FYCO1: variants seen among roughly 807,000 people sequenced by gnomAD.
The protein encoded by FYCO1 is FYVE and coiled-coil domain autophagy adaptor 1, also known as FYVE and coiled-coil domain-containing protein 1.
Under a neutral mutation model 165.1 loss-of-function variants are expected in FYCO1, and 122 were observed. That is an observed-to-expected ratio of 0.74 (90% CI 0.64 to 0.86). The LOEUF is 0.86. Ranked by LOEUF, FYCO1 falls within the 40% of genes least tolerant of loss-of-function variation. The pLI, the probability that FYCO1 is intolerant of heterozygous loss-of-function variation, is 0.00. For missense variants in FYCO1, 1,702 were observed against 1,810.3 expected, an observed-to-expected ratio of 0.94 and a Z score of 1.09; for synonymous variants, 648 against 742.5, an observed-to-expected ratio of 0.87 and a Z score of 2.07.
In FYCO1 at chr3:45,935,742, C is replaced by T. The variant is rs1213470326; in HGVS notation, c.4040+706G>A. ...TTATTTAATTATGTTTATAGCGTAT[C>T]ATCTGTCAACCCCTGCTGGAATATA... On this transcript the variant is annotated intron_variant, in intron 15 of 17. Transcript: ENST00000296137. 3.3e-5 allele frequency among the ~76,000 whole-genome samples: 5 copies of T among 152,214 alleles called. No individual in the cohort carries two copies. The East Asian group carries it at 9.6e-4, about 29-fold the overall frequency.
intron 2 of FYCO1, among the ~76,000 whole-genome samples, chr3:45,983,841 A>G (rs1388308946): frequency 6.6e-6 from 1 of 152,228 alleles, no homozygotes; most frequent in Non-Finnish European, 1.5e-5. Flanking sequence ...TGCACATGAA[A>G]TGCCATGAAA....
chr3:45,955,519 G>A (rs1484280384), intron 13 of FYCO1, 126 bp from the exon 14 acceptor site: 1 of 1,066,372 alleles, frequency 9.4e-7, no homozygotes, highest in African/African-American at 1.6e-5. Flanking sequence ...CACAATTTAA[G>A]TGGTCACTCA....
chr3:45,991,661 C>G (rs539530977), intron 1 of FYCO1, among the ~76,000 whole-genome samples: 1 of 152,190 alleles, frequency 6.6e-6, no homozygotes, highest in Non-Finnish European at 1.5e-5. Flanking sequence ...AACCACAGTT[C>G]GGTTCCCGAG....
Position 45,918,266 on chromosome 3 carries a change from C to G in FYCO1, c.*3499G>C, listed in dbSNP as rs999260383. The G allele has an allele frequency of 6.6e-6, 1 of 152,380 alleles. No homozygotes were observed. Among genetic ancestry groups the G allele is most frequent in the Non-Finnish European group, 1.5e-5 (1 of 68,018 alleles). The allele number at this position is 152,380 out of a possible 1,614,324, so 9.4% of individuals were successfully genotyped here. A position where few individuals can be genotyped will look rare whatever the true frequency, so the allele number is the denominator to read the frequency against. On this transcript the variant is annotated 3_prime_UTR_variant, in exon 18 of 18. Coordinates refer to ENST00000296137, the MANE Select transcript of FYCO1 (RefSeq NM_024513.4). ...TTTTCTTTTTTTAAATCAGAGATGC[C>G]TCCCCAAATTTCAAGATGTACTTTA...
At chr3:45,922,111 C>T (rs902056687) in intron 17 of FYCO1, among the ~76,000 whole-genome samples, 1 of 152,244 alleles carries the variant, frequency 6.6e-6, no homozygotes, top group African/African-American at 2.4e-5. Flanking sequence ...CACCTGGCTG[C>T]TCTGAAGCAG....
intron 11 of FYCO1, 114 bp from the exon 12 acceptor site, chr3:45,959,656 T>A (rs1705577069): frequency 8.8e-7 from 1 of 1,142,052 alleles, no homozygotes; most frequent in South Asian, 1.3e-5. Context: ...GAAAGAAAAT[T>A]CACTTTCACC....
In FYCO1 at chr3:45,966,989, TGATGGA is replaced by T; in HGVS notation, c.2339_2344del (p.Val780_Gln782delinsGlu). The T allele has an allele frequency of 6.2e-7, 1 of 1,613,196 alleles. No individual in the cohort carries two copies. The highest frequency in any genetic ancestry group is 8.5e-7 in the Non-Finnish European group (1 of 1,179,972). ...AGCCTGCAGCCGTTGGACCTCCCCCTGATGGACTTCCAGCTGCGCCTGAGACAGGGC... is the reference window on the plus strand; with the variant it reads ...AGCCTGCAGCCGTTGGACCTCCCCCTCTTCCAGCTGCGCCTGAGACAGGGC... On this transcript the variant is annotated inframe_deletion, in exon 8 of 18. Transcript: ENST00000296137.
In FYCO1 at chr3:45,923,747, G is replaced by A. The variant is rs749045427; in HGVS notation, c.4270C>T (p.Arg1424Ter). 7.4e-6 allele frequency: 12 copies of A among 1,613,810 alleles called. No homozygotes were observed. Among genetic ancestry groups the A allele is most frequent in the South Asian group, 1.1e-5 (1 of 91,080 alleles). Residue 1424 changes from arginine to a stop codon, truncating the protein, a stop_gained, in exon 17 of 18, where the codon CGA becomes TGA. Transcript: ENST00000296137. LOFTEE classifies it high-confidence loss of function. ...DQCKVLIPTT[R>*]CNSHKENIQG... ...ATGTTCTCCTTGTGGGAGTTGCATC[G>A]GGTCGTGGGAATGAGGACCTGGGAG...
chr3:45,958,759 G>A, intron 12 of FYCO1, 140 bp from the exon 13 acceptor site: 1 of 787,162 alleles, frequency 1.3e-6, no homozygotes, highest in East Asian at 2.6e-5. Context: ...GTGGCCATGA[G>A]CTCATTTCAT....
At chr3:45,938,642 T>A (rs1704032975) in intron 14 of FYCO1, among the ~76,000 whole-genome samples, 1 of 152,162 alleles carries the variant, frequency 6.6e-6, no homozygotes, top group African/African-American at 2.4e-5. Flanking sequence ...TACAGGCACA[T>A]ACCACCACAC....
intron 11 of FYCO1, among the ~76,000 whole-genome samples, chr3:45,960,487 C>T (rs1319661375): frequency 6.6e-6 from 1 of 152,204 alleles, no homozygotes; most frequent in Non-Finnish European, 1.5e-5. Context: ...TCTGAAGCAG[C>T]CTCATTCTCT....
chr3:45,963,960 A>C (rs1368509566), intron 10 of FYCO1, among the ~76,000 whole-genome samples: 3 of 152,236 alleles, frequency 2.0e-5, no homozygotes, highest in African/African-American at 7.2e-5. Flanking sequence ...AAATGTATGC[A>C]AAGTATTCAA....
chr3:45,924,976 C>A (rs1407600822), intron 16 of FYCO1, among the ~76,000 whole-genome samples: 1 of 151,418 alleles, frequency 6.6e-6, no homozygotes, highest in Non-Finnish European at 1.5e-5. Context: ...GTTGCCCAGG[C>A]TAGAGTGCAG....
chr3:45,955,397 G>C lies in FYCO1; in HGVS notation c.3800-4C>G. The C allele has an allele frequency of 6.2e-7, 1 of 1,614,076 alleles. No homozygotes were observed. Among genetic ancestry groups the C allele is most frequent in the Non-Finnish European group, 8.5e-7 (1 of 1,180,010 alleles). ...GGCCTGTAGTCTGTATTTGCTCCTG[G>C]GCAGCAGAGGCAGATCAGGAGAGAA... On this transcript the variant is annotated splice_region_variant and splice_polypyrimidine_tract_variant and intron_variant, in intron 13 of 17. Coordinates refer to ENST00000296137, the MANE Select transcript of FYCO1 (RefSeq NM_024513.4).
At chr3:45,983,814 G>A (rs1360332204) in intron 2 of FYCO1, among the ~76,000 whole-genome samples, 1 of 152,224 alleles carries the variant, frequency 6.6e-6, no homozygotes, top group Non-Finnish European at 1.5e-5. Context: ...CAGGCTGTTG[G>A]TATAGAAAGT....
In FYCO1 at chr3:45,968,478, C is replaced by T. The variant is rs1329587181; in HGVS notation, c.856G>A (p.Glu286Lys). ...AAGCAAGTGAGGCGAACGTTGTCCT[C>T]CGCTGCAGTGCGCCCCCTCTCCCTC... ...TERERGRTAA[E>K]DNVRLTCLVA... Residue 286 changes from glutamate (E) to lysine (K), a missense_variant, in exon 8 of 18, where the codon GAG becomes AAG. Transcript: ENST00000296137. 2 of 1,614,084 alleles carry T rather than the reference C, an allele frequency of 1.2e-6. No homozygotes were observed. Among genetic ancestry groups the T allele is most frequent in the Admixed American group, 1.7e-5 (1 of 60,034 alleles).
At chr3:45,957,155 A>G (rs1342138126) in intron 13 of FYCO1, among the ~76,000 whole-genome samples, 1 of 152,256 alleles carries the variant, frequency 6.6e-6, no homozygotes, top group African/African-American at 2.4e-5. Flanking sequence ...CAAAGGTGCA[A>G]GGAACAGTCT....
chr3:45,987,753 G>A (rs1199775432), intron 1 of FYCO1, among the ~76,000 whole-genome samples: 2 of 152,192 alleles, frequency 1.3e-5, no homozygotes, highest in Non-Finnish European at 2.9e-5. Flanking sequence ...TGGGAAGGAG[G>A]TGATAGCAAC....
At chr3:45,927,857 G>A (rs1225265238) in intron 16 of FYCO1, among the ~76,000 whole-genome samples, 4 of 152,202 alleles carry the variant, frequency 2.6e-5, no homozygotes, top group Non-Finnish European at 4.4e-5. Flanking sequence ...GCACACCCTC[G>A]CACTCACTAC....
Sources: gnomAD v4.1 joint callset for allele counts (sites outside exome capture counted in the v4.1 genomes callset) on GRCh38, gnomAD v4.1.1 for gene constraint, MANE v1.5 for transcripts, NCBI Gene and HGNC (gene_info 2026-07-23, HGNC 2026-07-21) for gene names.